Variants in TMEM54 observed in about 807,000 individuals in gnomAD.
TMEM54 encodes beta-casein-like protein.
A neutral mutation model predicts 21.3 loss-of-function variants in TMEM54; 21 were observed. The ratio of observed to expected loss-of-function variants is 0.99; its 90% CI spans 0.70 to 1.42. The LOEUF is 1.42. Among genes scored for constraint, TMEM54 ranks in the 40% most tolerant of loss-of-function variants. The pLI is 0.00. For missense variants in TMEM54, 246 were observed against 294.0 expected (o/e 0.84, Z 1.19); for synonymous variants, 109 against 125.0 (o/e 0.87, Z 0.86).
chr1:32,898,720 G>A (rs1343121530), intron 1 of TMEM54, among the ~76,000 whole-genome samples: 3 of 152,266 alleles, frequency 2.0e-5, no homozygotes, highest in African/African-American at 7.2e-5. Flanking sequence ...GGGGTACGAC[G>A]GTGAGCTCCA....
Position 32,896,017 on chromosome 1 carries a change from G to C in TMEM54, c.211-48C>G. The stretch of plus-strand genomic sequence containing the variant: ...CCCTGACTCCTTGGCTGGAGGAACA[G>C]GGGCAGGGGGATCAGGGCCACTCTG... On this transcript the variant is annotated intron_variant, in intron 2 of 5. Transcript: ENST00000373463. This position sits in a 1 kb window ranked among gnomAD's most constrained non-coding sequence, Gnocchi z 4.1. 1 of 1,589,786 alleles carries C rather than the reference G, an allele frequency of 6.3e-7. No homozygotes were observed. Among genetic ancestry groups the C allele is most frequent in the Non-Finnish European group, 8.6e-7 (1 of 1,166,908 alleles).
chr1:32,895,954 T>TG lies in TMEM54; in HGVS notation c.225dup (p.Ile76HisfsTer12), dbSNP rs906415929. 6.2e-7 allele frequency: 1 copy of TG among 1,613,292 alleles called. No homozygotes were observed. Among genetic ancestry groups the TG allele is most frequent in the African/African-American group, 1.3e-5 (1 of 74,918 alleles). On this transcript the variant is annotated frameshift_variant, in exon 3 of 6. Transcript: ENST00000373463. LOFTEE classifies it high-confidence loss of function. The surrounding 1 kb of genome is among the most constrained non-coding windows in gnomAD (Gnocchi z 5.8). ...TAGCGTGACAACACGATGGCTGCGA[T>TG]GCCTGAAGTGATGACCTGTAGGGAA...
rs780524573 is a variant in TMEM54, at chr1:32,895,873, C to T, written c.270+37G>A. The T allele has an allele frequency of 1.3e-5, 21 of 1,601,898 alleles. No homozygotes were observed. Among genetic ancestry groups the T allele is most frequent in the Middle Eastern group, 3.4e-4 (2 of 5,956 alleles). ...TTGGCGGGTGGCTGCTGCCCCTACC[C>T]TTCCCTCACAGCCCCATCCCAGGAG... On this transcript the variant is annotated intron_variant, in intron 3 of 5. Coordinates refer to ENST00000373463, the MANE Select transcript of TMEM54 (RefSeq NM_033504.4). This position sits in a 1 kb window ranked among gnomAD's most constrained non-coding sequence, Gnocchi z 5.8.
At position 32,901,205 on chromosome 1, in the gene TMEM54, G is replaced by T; in HGVS notation, c.16+18C>A. ...GTTGGGGTGGTTCGGGGCCTCCCGC[G>T]CGCCCCCAGTCGCTCACCGAGGCGC... On this transcript the variant is annotated intron_variant, in intron 1 of 5. Transcript: ENST00000373463. The surrounding 1 kb of genome is among the most constrained non-coding windows in gnomAD (Gnocchi z 4.2). 1 of 1,487,426 alleles carries T rather than the reference G, an allele frequency of 6.7e-7. No individual in the cohort carries two copies. The highest frequency in any genetic ancestry group is 1.3e-5 in the South Asian group (1 of 75,720). 92.1% of individuals were successfully genotyped at this position (1,487,426 alleles called of 1,614,324 possible). A position where few individuals can be genotyped will look rare whatever the true frequency, so the allele number is the denominator to read the frequency against.
Position 32,895,966 on chromosome 1 carries a change from T to A in TMEM54, c.214A>T (p.Ile72Phe). The A allele has an allele frequency of 6.2e-7, 1 of 1,613,130 alleles. No homozygotes were observed. The highest frequency in any genetic ancestry group is 1.1e-5 in the South Asian group (1 of 90,890). ...ILSVTSAIVV[I>F]TSGIAAIVLS... ...ACGATGGCTGCGATGCCTGAAGTGATGACCTGTAGGGAAGGCTCAAGTCAG... is the reference window on the plus strand; with the variant it reads ...ACGATGGCTGCGATGCCTGAAGTGAAGACCTGTAGGGAAGGCTCAAGTCAG... Residue 72 changes from isoleucine (I) to phenylalanine (F), a missense_variant, in exon 3 of 6, where the codon ATC becomes TTC. By Grantham distance (21) the Ile-to-Phe change is conservative (BLOSUM62 0). Coordinates refer to ENST00000373463, the MANE Select transcript of TMEM54 (RefSeq NM_033504.4). This position sits in a 1 kb window ranked among gnomAD's most constrained non-coding sequence, Gnocchi z 5.8.
chr1:32,898,482 A>G (rs1221496106), intron 1 of TMEM54, 163 bp from the exon 2 acceptor site: 3 of 645,194 alleles, frequency 4.6e-6, no homozygotes, highest in African/African-American at 1.8e-5. Flanking sequence ...CTCCTCATCC[A>G]TAAAAGGGGT....
chr1:32,895,156 C>T lies in TMEM54; in HGVS notation c.594+149G>A, dbSNP rs1236505375. The T allele has an allele frequency of 7.9e-7, 1 of 1,263,902 alleles. No homozygotes were observed. Among genetic ancestry groups the T allele is most frequent in the African/African-American group, 1.5e-5 (1 of 66,138 alleles). The allele number at this position is 1,263,902 out of a possible 1,614,324, so 78.3% of individuals were successfully genotyped here. A position where few individuals can be genotyped will look rare whatever the true frequency, so the allele number is the denominator to read the frequency against. ...TGGGAGATCTCACCTCTCCCAGCCT[C>T]CAGGCCTCTCCCTTTGCTCCTGGGG... is the stretch of plus-strand genomic sequence containing the variant. On this transcript the variant is annotated intron_variant, in intron 5 of 5. Transcript: ENST00000373463. The surrounding 1 kb of genome is among the most constrained non-coding windows in gnomAD (Gnocchi z 5.8).
chr1:32,900,824 A>C (rs1225593261), intron 1 of TMEM54, among the ~76,000 whole-genome samples: 1 of 151,838 alleles, frequency 6.6e-6, no homozygotes, highest in Non-Finnish European at 1.5e-5. Context: ...GAGAGTGGAG[A>C]GTATGTAAGT....
intron 2 of TMEM54, 67 bp downstream of exon 2, chr1:32,898,047 TCTGGGTGGGGAC>T (rs998902453): frequency 2.5e-5 from 35 of 1,378,458 alleles, no homozygotes; most frequent in Non-Finnish European, 3.2e-5. Context: ...CACCACAGGC[TCTGGGTGGGGAC>T]CTGTTGAAGA....
Position 32,901,208 on chromosome 1 carries a change from C to A in TMEM54, c.16+15G>T, listed in dbSNP as rs556371282. ...GGGGTGGTTCGGGGCCTCCCGCGCG[C>A]CCCCAGTCGCTCACCGAGGCGCAGA... On this transcript the variant is annotated intron_variant, in intron 1 of 5. Coordinates refer to ENST00000373463, the MANE Select transcript of TMEM54 (RefSeq NM_033504.4). The surrounding 1 kb of genome is among the most constrained non-coding windows in gnomAD (Gnocchi z 4.2). 4.7e-6 allele frequency: 7 copies of A among 1,487,724 alleles called. No individual in the cohort carries two copies. Among genetic ancestry groups the A allele is most frequent in the Non-Finnish European group, 6.3e-6 (7 of 1,105,662 alleles). The allele number at this position is 1,487,724 out of a possible 1,614,324, so 92.2% of individuals were successfully genotyped here.
Position 32,898,331 on chromosome 1 carries a change from A to G in TMEM54, c.17-12T>C. ...CACACTCAGGCCTCCTGTGGGGGAC[A>G]GCTATGTCAGGGCTGTGCGTGGGGC... On this transcript the variant is annotated splice_polypyrimidine_tract_variant and intron_variant, in intron 1 of 5. Coordinates refer to ENST00000373463, the MANE Select transcript of TMEM54 (RefSeq NM_033504.4). 1.9e-6 allele frequency: 3 copies of G among 1,593,172 alleles called. No individual in the cohort carries two copies. The highest frequency in any genetic ancestry group is 2.6e-6 in the Non-Finnish European group (3 of 1,162,806).
In TMEM54 at chr1:32,896,026, G is replaced by C; in HGVS notation, c.211-57C>G. 1 of 1,572,028 alleles carries C rather than the reference G, an allele frequency of 6.4e-7. No homozygotes were observed. Among genetic ancestry groups the C allele is most frequent in the East Asian group, 2.3e-5 (1 of 44,424 alleles). On this transcript the variant is annotated intron_variant, in intron 2 of 5. Coordinates refer to ENST00000373463, the MANE Select transcript of TMEM54 (RefSeq NM_033504.4). This position sits in a 1 kb window ranked among gnomAD's most constrained non-coding sequence, Gnocchi z 4.1. ...CTTGGCTGGAGGAACAGGGGCAGGG[G>C]GATCAGGGCCACTCTGGGATAATGA...
At position 32,894,704 on chromosome 1, in the gene TMEM54, T is replaced by C. The variant is rs767701621; in HGVS notation, c.*101A>G. The C allele has an allele frequency of 5.1e-5, 78 of 1,523,362 alleles. No homozygotes were observed. Among genetic ancestry groups the C allele is most frequent in the East Asian group, 4.1e-4 (18 of 43,674 alleles). The allele number at this position is 1,523,362 out of a possible 1,614,324, so 94.4% of individuals were successfully genotyped here. A position where few individuals can be genotyped will look rare whatever the true frequency, so the allele number is the denominator to read the frequency against. On this transcript the variant is annotated 3_prime_UTR_variant, in exon 6 of 6. Coordinates refer to ENST00000373463, the MANE Select transcript of TMEM54 (RefSeq NM_033504.4). ...CCCCACTTGGGTCCCCGAGGGTCCA[T>C]TGAGCCCTCTCAGGCCAGCTCCAGG... is the stretch of plus-strand genomic sequence containing the variant.
chr1:32,900,336 C>G (rs1641696922), intron 1 of TMEM54, among the ~76,000 whole-genome samples: 1 of 152,218 alleles, frequency 6.6e-6, no homozygotes, highest in Non-Finnish European at 1.5e-5. Context: ...GCCTCCTGGG[C>G]TCAGGTGATC....
chr1:32,894,783 G>T lies in TMEM54; in HGVS notation c.*22C>A, dbSNP rs1019972652. The T allele has an allele frequency of 6.2e-7, 1 of 1,604,334 alleles. No individual in the cohort carries two copies. The highest frequency in any genetic ancestry group is 1.3e-5 in the African/African-American group (1 of 74,682). On this transcript the variant is annotated 3_prime_UTR_variant, in exon 6 of 6. Coordinates refer to ENST00000373463, the MANE Select transcript of TMEM54 (RefSeq NM_033504.4). ...GCTTGCAGGGTCCTAGTGGCCATCGGGCCTGGGCAGGACATCATCTCTCAG... is the reference window on the plus strand; with the variant it reads ...GCTTGCAGGGTCCTAGTGGCCATCGTGCCTGGGCAGGACATCATCTCTCAG...
Position 32,895,947 on chromosome 1 carries a change from G to T in TMEM54, c.233C>A (p.Ala78Asp). The T allele has an allele frequency of 6.2e-7, 1 of 1,613,466 alleles. No individual in the cohort carries two copies. Among genetic ancestry groups the T allele is most frequent in the Non-Finnish European group, 8.5e-7 (1 of 1,179,742 alleles). ...AIVVITSGIA[A>D]IVLSRYLPST... ...AGGGAGGTAGCGTGACAACACGATGGCTGCGATGCCTGAAGTGATGACCTG... is the reference window on the plus strand; with the variant it reads ...AGGGAGGTAGCGTGACAACACGATGTCTGCGATGCCTGAAGTGATGACCTG... Residue 78 changes from alanine (A) to aspartate (D), a missense_variant, in exon 3 of 6, where the codon GCC becomes GAC. Ala to Asp is a moderately radical substitution (Grantham distance 126). Transcript: ENST00000373463. This position sits in a 1 kb window ranked among gnomAD's most constrained non-coding sequence, Gnocchi z 5.8.
rs775898295 is a variant in TMEM54 at position 32,894,853 on chromosome 1, C to G, written c.621G>C (p.Glu207Asp). 1.2e-5 allele frequency: 20 copies of G among 1,611,972 alleles called. No individual in the cohort carries two copies. Among genetic ancestry groups the G allele is most frequent in the Non-Finnish European group, 1.7e-5 (20 of 1,178,350 alleles). The change falls in exon 6 of 6, where the codon GAG becomes GAC. Residue 207 changes from glutamate (E) to aspartate (D), a missense_variant. By Grantham distance (45) the Glu-to-Asp change is conservative. Coordinates refer to ENST00000373463, the MANE Select transcript of TMEM54 (RefSeq NM_033504.4). ...HMMRENPELV[E>D]GRDLLSCTSS... ...TGGTGCAGCTCAGCAGGTCACGGCC[C>G]TCCACCAGCTCTGGGTTCTCCCGCA...
intron 1 of TMEM54, among the ~76,000 whole-genome samples, chr1:32,900,372 C>T (rs1042760557): frequency 1.3e-5 from 2 of 152,088 alleles, no homozygotes; most frequent in African/African-American, 2.4e-5. Context: ...CCTGAGTAGC[C>T]GGGCTAAATT....
In TMEM54 at chr1:32,894,875, C is replaced by T. The variant is rs987063684; in HGVS notation, c.599G>A (p.Arg200Gln). 27 of 1,610,210 alleles carry T rather than the reference C, an allele frequency of 1.7e-5. No individual in the cohort carries two copies. Among genetic ancestry groups the T allele is most frequent in the Non-Finnish European group, 2.1e-5 (25 of 1,176,926 alleles). The change falls in exon 6 of 6, where the codon CGG becomes CAG. Residue 200 changes from arginine (R) to glutamine (Q), a missense_variant. Coordinates refer to ENST00000373463, the MANE Select transcript of TMEM54 (RefSeq NM_033504.4). ...WWGKSSHHMM[R>Q]ENPELVEGRD... Reference sequence around the variant, plus strand: ...GCCCTCCACCAGCTCTGGGTTCTCCCGCATCTGCAGAGACACAGGAGGCTG... The same window carrying T: ...GCCCTCCACCAGCTCTGGGTTCTCCTGCATCTGCAGAGACACAGGAGGCTG...
Sources: allele counts gnomAD v4.1 joint callset (sites outside exome capture counted in the v4.1 genomes callset), GRCh38; gene constraint gnomAD v4.1.1; non-coding constraint Gnocchi (gnomAD v3.1); transcripts MANE v1.5; gene names NCBI Gene and HGNC (gene_info 2026-07-23, HGNC 2026-07-21).